Variants in PARP11 observed in about 807,000 individuals in gnomAD.
The protein encoded by PARP11 is protein mono-ADP-ribosyltransferase PARP11.
In PARP11, 31 loss-of-function variants were observed where a neutral mutation model predicts 42.9. That is an observed-to-expected ratio of 0.72 (90% CI 0.54 to 0.98). The LOEUF is 0.98. Among genes scored for constraint, PARP11 ranks in the 50% least tolerant of loss-of-function variants. The probability of loss-of-function intolerance (pLI) is 0.00; values close to 1 mark genes in which losing one functional copy is unlikely to be tolerated. For synonymous variants in PARP11, 137 were observed against 127.3 expected, an observed-to-expected ratio of 1.08 and a Z score of -0.51; for missense variants, 365 against 413.1, an observed-to-expected ratio of 0.88 and a Z score of 1.01.
chr12:3,832,006 G>C (rs886711115), intron 1 of PARP11: 4 of 274,524 alleles, frequency 1.5e-5, no homozygotes, highest in Non-Finnish European at 1.7e-5. Context: ...AAAAATATTT[G>C]CCTTACGAGT....
At chr12:3,820,557 C>T (rs1480227053) in intron 6 of PARP11, among the ~76,000 whole-genome samples, 1 of 152,142 alleles carries the variant, frequency 6.6e-6, no homozygotes, top group Admixed American at 6.5e-5. Context: ...GTCACTGGTA[C>T]ATTTTTACCA....
intron 1 of PARP11, among the ~76,000 whole-genome samples, chr12:3,834,634 C>CA (rs567817866): frequency 0.1 from 6,918 of 68,996 alleles, 428 homozygotes; most frequent in African/African-American, 0.23. Context: ...CACTCCATCT[C>CA]AAAAAAAAAA....
At chr12:3,817,095 G>A (rs1268655456) in intron 6 of PARP11, among the ~76,000 whole-genome samples, 1 of 152,122 alleles carries the variant, frequency 6.6e-6, no homozygotes, top group Admixed American at 6.5e-5. Flanking sequence ...GGAGGCTGAG[G>A]CAGGAGAATG....
intron 6 of PARP11, among the ~76,000 whole-genome samples, chr12:3,819,304 C>T (rs11062844): frequency 0.19 from 29,454 of 152,148 alleles, 3,513 homozygotes; most frequent in East Asian, 0.36. Context: ...GGCAACCCAA[C>T]GTGTCTCAGT....
rs903412760 is a variant in PARP11 at position 3,840,620 on chromosome 12, A to G, written c.19-10602T>C. On this transcript the variant is annotated intron_variant, in intron 1 of 7. Coordinates refer to ENST00000228820, the MANE Select transcript of PARP11 (RefSeq NM_020367.6). The surrounding 1 kb of genome is among the most constrained non-coding windows in gnomAD (Gnocchi z 4.4). ...ACAAGTCGAGAATCTAACTATTGCT[A>G]CTTCTCAGAGTAGCAATCCATGTGT... The G allele has an allele frequency of 7.9e-6, 10 of 1,270,980 alleles. No individual in the cohort carries two copies. The highest frequency in any genetic ancestry group is 3.6e-5 in the South Asian group (3 of 84,104). The allele number at this position is 1,270,980 out of a possible 1,614,324, so 78.7% of individuals were successfully genotyped here.
intron 1 of PARP11, among the ~76,000 whole-genome samples, chr12:3,849,538 A>G (rs1274483655): frequency 6.6e-6 from 1 of 152,212 alleles, no homozygotes; most frequent in Admixed American, 6.5e-5. Context: ...ATGTCAAGTA[A>G]AATAAGCCAA....
intron 1 of PARP11, among the ~76,000 whole-genome samples, chr12:3,860,795 G>A (rs1423420386): frequency 6.6e-6 from 1 of 152,106 alleles, no homozygotes; most frequent in African/African-American, 2.4e-5. Context: ...TTGTGCTTCA[G>A]CTTCCTGAGG....
At chr12:3,868,571 C>G (rs2138136669) in intron 1 of PARP11, among the ~76,000 whole-genome samples, 1 of 152,296 alleles carries the variant, frequency 6.6e-6, no homozygotes, top group South Asian at 2.1e-4. Flanking sequence ...GCACATTAAA[C>G]ATAGTGAGTC....
intron 1 of PARP11, among the ~76,000 whole-genome samples, chr12:3,839,152 GGCCGCCGCCGCCGCCT>G (rs1447187778): frequency 6.7e-6 from 1 of 149,164 alleles, no homozygotes; most frequent in East Asian, 2.0e-4. Context: ...CGCTGCCTCG[GGCCGCCGCCGCCGCCT>G]GCCGCCTGCC....
chr12:3,868,875 AAAC>A (rs1948431933), intron 1 of PARP11, among the ~76,000 whole-genome samples: 1 of 152,232 alleles, frequency 6.6e-6, no homozygotes. Context: ...AGTGGCTTAA[AAAC>A]AACACTAATT....
At position 3,861,689 on chromosome 12, in the gene PARP11, C is replaced by T. The variant is rs1008166102; in HGVS notation, c.18+11523G>A. On this transcript the variant is annotated intron_variant, in intron 1 of 7. Coordinates refer to ENST00000228820, the MANE Select transcript of PARP11 (RefSeq NM_020367.6). This position sits in a 1 kb window ranked among gnomAD's most constrained non-coding sequence, Gnocchi z 4.6. Reference sequence around the variant, plus strand: ...AATTTTGATAAAGTCTGTTTTATCACTTTTTTTTTTCATCGATCATAGTCC... The same window carrying T: ...AATTTTGATAAAGTCTGTTTTATCATTTTTTTTTTTCATCGATCATAGTCC... Among the ~76,000 whole-genome samples, 1 of 149,888 alleles carries T rather than the reference C, an allele frequency of 6.7e-6. No individual in the cohort carries two copies. Among genetic ancestry groups the T allele is most frequent in the Admixed American group, 6.7e-5 (1 of 15,004 alleles).
chr12:3,824,510 A>C, intron 4 of PARP11: 1 of 288,392 alleles, frequency 3.5e-6, no homozygotes, highest in Non-Finnish European at 5.2e-6. Flanking sequence ...TAAATGCTCA[A>C]TGTATTCCCA....
chr12:3,817,721 A>G (rs1005720588), intron 6 of PARP11, among the ~76,000 whole-genome samples: 1 of 152,242 alleles, frequency 6.6e-6, no homozygotes, highest in Non-Finnish European at 1.5e-5. Flanking sequence ...CAAACTGGCT[A>G]AAGTGTGTAT....
At chr12:3,830,231 A>C (rs985908589) in intron 1 of PARP11, among the ~76,000 whole-genome samples, 1 of 152,202 alleles carries the variant, frequency 6.6e-6, no homozygotes, top group African/African-American at 2.4e-5. Flanking sequence ...AAGTAATAAT[A>C]ATCTTAGGTA....
chr12:3,869,673 T>C (rs1167949467), intron 1 of PARP11, among the ~76,000 whole-genome samples: 1 of 152,248 alleles, frequency 6.6e-6, no homozygotes, highest in African/African-American at 2.4e-5. Context: ...CAGGGTGGCC[T>C]TTCCTGATTG....
chr12:3,825,208 A>G (rs1238560487), intron 4 of PARP11, among the ~76,000 whole-genome samples: 3 of 152,044 alleles, frequency 2.0e-5, no homozygotes. Flanking sequence ...ATGCTTTAAG[A>G]TTTTTTCCTT....
intron 1 of PARP11, among the ~76,000 whole-genome samples, chr12:3,835,143 C>A (rs562785024): frequency 6.6e-6 from 1 of 152,204 alleles, no homozygotes; most frequent in African/African-American, 2.4e-5. Context: ...ATGTAAACTC[C>A]CTGAACTATA....
intron 1 of PARP11, among the ~76,000 whole-genome samples, chr12:3,835,906 C>T (rs1437037321): frequency 6.6e-6 from 1 of 151,766 alleles, no homozygotes; most frequent in Non-Finnish European, 1.5e-5. Flanking sequence ...TGTGGGATAC[C>T]ATTAAGTGCA....
intron 1 of PARP11, among the ~76,000 whole-genome samples, chr12:3,870,337 T>C (rs1182281140): frequency 6.6e-6 from 1 of 152,202 alleles, no homozygotes; most frequent in Non-Finnish European, 1.5e-5. Flanking sequence ...AAAAGAAGAA[T>C]GTGAGATGAT....
Sources: gnomAD v4.1 joint callset for allele counts (sites outside exome capture counted in the v4.1 genomes callset) on GRCh38, gnomAD v4.1.1 for gene constraint, Gnocchi (gnomAD v3.1) non-coding constraint, MANE v1.5 for transcripts, NCBI Gene and HGNC (gene_info 2026-07-23, HGNC 2026-07-21) for gene names.